PTK2: variants seen among roughly 807,000 people sequenced by gnomAD.
PTK2 encodes protein tyrosine kinase 2.
In PTK2, 45 loss-of-function variants were observed where a neutral mutation model predicts 150.1. The ratio of observed to expected loss-of-function variants is 0.30; its 90% confidence interval spans 0.24 to 0.38. The LOEUF (loss-of-function observed/expected upper bound fraction) is 0.38, where lower values mean the gene tolerates loss of function less well. Ranked by LOEUF, PTK2 falls within the 10% of genes least tolerant of loss-of-function variation. The pLI is 1.00. For missense variants in PTK2, 919 were observed against 1,307.3 expected, an observed-to-expected ratio of 0.70 and a Z score of 4.58; for synonymous variants, 432 against 449.2, an observed-to-expected ratio of 0.96 and a Z score of 0.48.
intron 8 of PTK2, among the ~76,000 whole-genome samples, 168 bp downstream of exon 8, chr8:140,830,304 A>T (rs919503721): frequency 3.3e-5 from 5 of 152,210 alleles, no homozygotes; most frequent in African/African-American, 1.2e-4. Context: ...CTATACTAAA[A>T]ACCTATTTGC....
At chr8:140,683,767 T>C (rs1310781914) in intron 27 of PTK2, among the ~76,000 whole-genome samples, 2 of 45,832 alleles carry the variant, frequency 4.4e-5, no homozygotes, top group Admixed American at 6.6e-4. Context: ...ATTATCTCAA[T>C]AGATGAAAAA....
chr8:140,698,951 T>C (rs1403016808), intron 26 of PTK2, among the ~76,000 whole-genome samples: 2 of 128,134 alleles, frequency 1.6e-5, no homozygotes, highest in Non-Finnish European at 3.4e-5. Context: ...TTTTTTTTAG[T>C]AGAGACGGGG....
At chr8:140,804,825 C>T (rs1234553589) in intron 10 of PTK2, among the ~76,000 whole-genome samples, 1 of 152,156 alleles carries the variant, frequency 6.6e-6, no homozygotes, top group African/African-American at 2.4e-5. Flanking sequence ...TGCCTTTCCC[C>T]GGGAGGCCAC....
intron 26 of PTK2, among the ~76,000 whole-genome samples, chr8:140,693,369 C>A (rs2100024310): frequency 6.6e-6 from 1 of 151,734 alleles, no homozygotes; most frequent in Non-Finnish European, 1.5e-5. Flanking sequence ...GCATGGACAA[C>A]AAAGTGAGAC....
At chr8:140,745,085 TAAC>T (rs56235000) in intron 18 of PTK2, among the ~76,000 whole-genome samples, 88,086 of 151,638 alleles carry the variant, frequency 0.58, 27,164 homozygotes, top group African/African-American at 0.79. Flanking sequence ...TAAATAATAA[TAAC>T]AACTGGAAGA....
At chr8:140,893,324 AC>A (rs1421884833) in intron 2 of PTK2, among the ~76,000 whole-genome samples, 11 of 152,104 alleles carry the variant, frequency 7.2e-5, no homozygotes, top group African/African-American at 2.7e-4. Context: ...ACAAAATGAA[AC>A]ACCCTCACAT....
intron 31 of PTK2, chr8:140,662,711 C>T (rs1278670801): frequency 3.3e-6 from 2 of 597,362 alleles, no homozygotes; most frequent in East Asian, 2.8e-5. Context: ...AGTTGGTCAA[C>T]TGGAACATCC....
At chr8:140,827,350 G>A (rs1236255929) in intron 8 of PTK2, among the ~76,000 whole-genome samples, 2 of 152,066 alleles carry the variant, frequency 1.3e-5, no homozygotes, top group African/African-American at 4.8e-5. Flanking sequence ...GGCTATCAGG[G>A]CTCGCTGTTT....
intron 16 of PTK2, among the ~76,000 whole-genome samples, chr8:140,758,697 G>A (rs1228703507): frequency 6.6e-6 from 1 of 152,062 alleles, no homozygotes; most frequent in East Asian, 1.9e-4. Flanking sequence ...ATGTAAAAAG[G>A]TTACAATAAG....
At chr8:140,854,258 G>A (rs938953625) in intron 5 of PTK2, among the ~76,000 whole-genome samples, 2 of 152,144 alleles carry the variant, frequency 1.3e-5, no homozygotes, top group African/African-American at 4.8e-5. Context: ...TGACAAACTC[G>A]TATCAGGCTC....
At chr8:140,900,017 A>G (rs1034948468) in intron 2 of PTK2, among the ~76,000 whole-genome samples, 1 of 152,176 alleles carries the variant, frequency 6.6e-6, no homozygotes, top group African/African-American at 2.4e-5. Context: ...GGAAAATGTG[A>G]AGGCCTTTCC....
intron 8 of PTK2, among the ~76,000 whole-genome samples, chr8:140,819,592 G>A (rs1022137997): frequency 9.2e-5 from 14 of 152,180 alleles, no homozygotes; most frequent in African/African-American, 3.1e-4. Flanking sequence ...AACATTCTAT[G>A]CAGCCTCAAG....
intron 26 of PTK2, among the ~76,000 whole-genome samples, chr8:140,691,654 T>A (rs2153832417): frequency 6.6e-6 from 1 of 152,308 alleles, no homozygotes; most frequent in South Asian, 2.1e-4. Flanking sequence ...GCCCTGTGCA[T>A]TTTTCTAGTG....
At chr8:140,743,168 T>G in intron 20 of PTK2, 62 bp downstream of exon 23, 2 of 1,148,390 alleles carry the variant, frequency 1.7e-6, no homozygotes, top group Non-Finnish European at 2.6e-6. Flanking sequence ...TAGAACATAC[T>G]GTTTTTAGAA....
rs149392460 is a variant in PTK2, at chr8:140,701,693, C to T, written c.2368-671G>A. Among the ~76,000 whole-genome samples the T allele has an allele frequency of 6.2e-3, 951 of 152,294 alleles. 15 individuals carry two copies. The highest frequency in any genetic ancestry group is 0.021 in the African/African-American group (873 of 41,544). ...TTCGTTGGCCTCATGTACATGCTGACGATAGTCCACTTAGGGCTTTGCCTT... is the reference window on the plus strand; with the variant it reads ...TTCGTTGGCCTCATGTACATGCTGATGATAGTCCACTTAGGGCTTTGCCTT... On this transcript the variant is annotated intron_variant, in intron 25 of 31. Transcript: ENST00000522684.
intron 31 of PTK2, among the ~76,000 whole-genome samples, chr8:140,663,980 T>C (rs2085251662): frequency 6.6e-6 from 1 of 152,134 alleles, no homozygotes; most frequent in Non-Finnish European, 1.5e-5. Context: ...AAGACATTCA[T>C]TAATTTAAAA....
At chr8:140,716,688 C>T (rs1184432967) in intron 23 of PTK2, among the ~76,000 whole-genome samples, 1 of 152,142 alleles carries the variant, frequency 6.6e-6, no homozygotes, top group African/African-American at 2.4e-5. Context: ...TTTGTCTTAT[C>T]AGGTTTCTGA....
intron 1 of PTK2, among the ~76,000 whole-genome samples, chr8:140,942,910 A>G (rs752473464): frequency 9.2e-5 from 14 of 152,068 alleles, no homozygotes; most frequent in Admixed American, 3.3e-4. Context: ...CTTGGTGACA[A>G]GCGAGTTCAT....
At chr8:140,846,563 A>T in intron 6 of PTK2, 36 bp downstream of exon 6, 2 of 1,468,732 alleles carry the variant, frequency 1.4e-6, no homozygotes, top group Non-Finnish European at 1.9e-6. Flanking sequence ...TAAAAAATTG[A>T]TAAATAAAGG....
Sources: gnomAD v4.1 joint callset for allele counts (sites outside exome capture counted in the v4.1 genomes callset) on GRCh38, gnomAD v4.1.1 for gene constraint, MANE v1.5 for transcripts, NCBI Gene and HGNC (gene_info 2026-07-23, HGNC 2026-07-21) for gene names.